The following ZNF30 variants were observed in gnomAD, a reference collection of about 807,000 sequenced individuals.
The protein encoded by ZNF30 is zinc finger protein 30.
In ZNF30, 15 loss-of-function variants were observed where a neutral mutation model predicts 13.2. The observed-to-expected ratio is 1.13, with a 90% CI of 0.76 to 1.75. The LOEUF is 1.75. Ranked by LOEUF, ZNF30 falls within the 40% of genes most tolerant of loss-of-function variation. The pLI, the probability that ZNF30 is intolerant of heterozygous loss-of-function variation, is 0.00. For missense variants in ZNF30, 726 were observed against 757.0 expected, an observed-to-expected ratio of 0.96 and a Z score of 0.48; for synonymous variants, 223 against 256.6, an observed-to-expected ratio of 0.87 and a Z score of 1.25.
At chr19:34,935,701 T>TTTTTTTTTTTTTTTTTTTTTTTA in intron 4 of ZNF30, among the ~76,000 whole-genome samples, 1 of 46,842 alleles carries the variant, frequency 2.1e-5, no homozygotes, top group African/African-American at 2.3e-4. Context: ...TTGTCTATAG[T>TTTTTTTTTTTTTTTTTTTTTTTA]TTTTTTTTTT....
At chr19:34,940,478 G>A (rs2012987231) in intron 4 of ZNF30, among the ~76,000 whole-genome samples, 1 of 152,016 alleles carries the variant, frequency 6.6e-6, no homozygotes, top group African/African-American at 2.4e-5. Context: ...CACCAGCCTG[G>A]CCAACATGGT....
upstream of ZNF30, among the ~76,000 whole-genome samples, chr19:34,925,029 C>T (rs1331791185): frequency 6.6e-6 from 1 of 152,182 alleles, no homozygotes; most frequent in Non-Finnish European, 1.5e-5. Context: ...GTTCCCTTGT[C>T]CCCCTGGCAG....
chr19:34,928,244 TATATATATATAGATAG>T (rs2012219091), intron 1 of ZNF30, among the ~76,000 whole-genome samples: 3 of 54,366 alleles, frequency 5.5e-5, no homozygotes, highest in African/African-American at 1.6e-4. Flanking sequence ...TATATATATA[TATATATATATAGATAG>T]ATAGATAGAT....
intron 4 of ZNF30, 37 bp downstream of exon 4, chr19:34,933,760 G>T (rs2012586833): frequency 1.4e-6 from 2 of 1,379,590 alleles, no homozygotes; most frequent in South Asian, 1.2e-5. Context: ...GGCCATTGTT[G>T]CTGGAAACAG....
intron 1 of ZNF30, among the ~76,000 whole-genome samples, chr19:34,928,301 G>C (rs548380761): frequency 6.9e-6 from 1 of 144,818 alleles, no homozygotes; most frequent in Non-Finnish European, 1.5e-5. Flanking sequence ...GTGGAAACAA[G>C]TGTTTAATTA....
upstream of ZNF30, chr19:34,926,779 T>C: frequency 2.5e-6 from 1 of 395,586 alleles, no homozygotes; most frequent in East Asian, 3.6e-5. Context: ...GCCACCTACT[T>C]CGGGCCTCAG....
chr19:34,939,370 G>A (rs1184077936), intron 4 of ZNF30, among the ~76,000 whole-genome samples: 1 of 151,910 alleles, frequency 6.6e-6, no homozygotes, highest in Non-Finnish European at 1.5e-5. Flanking sequence ...AGTAGAGATG[G>A]GGTTTCACCA....
chr19:34,929,733 T>C (rs1343591736), intron 1 of ZNF30, among the ~76,000 whole-genome samples, 151 bp from the exon 2 acceptor site: 1 of 152,200 alleles, frequency 6.6e-6, no homozygotes, highest in East Asian at 1.9e-4. Context: ...TACAGCTTAG[T>C]TAACTGGGGC....
At chr19:34,928,232 TATATATATATATATATATATATAG>T (rs1268172856) in intron 1 of ZNF30, among the ~76,000 whole-genome samples, 3 of 66,554 alleles carry the variant, frequency 4.5e-5, no homozygotes, top group Admixed American at 1.2e-4. Flanking sequence ...TATATATATA[TATATATATATATATATATATATAG>T]ATAGATAGAT....
chr19:34,932,682 T>G (rs1240584186), intron 3 of ZNF30, among the ~76,000 whole-genome samples: 1 of 152,090 alleles, frequency 6.6e-6, no homozygotes, highest in African/African-American at 2.4e-5. Context: ...TTTAAGTGAG[T>G]TACGCAAGAT....
intron 2 of ZNF30, 122 bp from the exon 3 acceptor site, chr19:34,931,721 A>C: frequency 1.1e-6 from 1 of 926,224 alleles, no homozygotes; most frequent in East Asian, 2.7e-5. Flanking sequence ...TACCATGCTC[A>C]TCCACTTGCC....
At chr19:34,938,698 G>T (rs1268951853) in intron 4 of ZNF30, among the ~76,000 whole-genome samples, 1 of 152,138 alleles carries the variant, frequency 6.6e-6, no homozygotes, top group Non-Finnish European at 1.5e-5. Context: ...CCCACCGGAG[G>T]TTCATCTTAG....
chr19:34,930,654 TCAAGACCAGCCTGGGCAGCATGG>T (rs1053593367), intron 2 of ZNF30, among the ~76,000 whole-genome samples: 4 of 152,036 alleles, frequency 2.6e-5, no homozygotes, highest in Non-Finnish European at 4.4e-5. Context: ...GCCCAGGAGT[TCAAGACCAGCCTGGGCAGCATGG>T]CAAGACCCTG....
intron 1 of ZNF30, among the ~76,000 whole-genome samples, chr19:34,929,112 C>T (rs2012295737): frequency 6.6e-6 from 1 of 152,190 alleles, no homozygotes; most frequent in African/African-American, 2.4e-5. Flanking sequence ...GAAATTCCGT[C>T]TCTACTAAAA....
intron 4 of ZNF30, chr19:34,942,763 G>C (rs1278058130): frequency 1.9e-6 from 1 of 513,118 alleles, no homozygotes; most frequent in East Asian, 7.5e-5. Flanking sequence ...TATGAGGTCT[G>C]AGAGGTGAGC....
chr19:34,924,569 T>G (rs923413762), upstream of ZNF30, among the ~76,000 whole-genome samples: 1 of 152,196 alleles, frequency 6.6e-6, no homozygotes, highest in Non-Finnish European at 1.5e-5. Flanking sequence ...AGATGAGTCC[T>G]TATTTGTCTT....
In ZNF30 at chr19:34,933,705, GGAA is replaced by G; in HGVS notation, c.244_246del (p.Arg82del). On this transcript the variant is annotated inframe_deletion, in exon 4 of 5. Coordinates refer to ENST00000601142, the MANE Select transcript of ZNF30 (RefSeq NM_194325.3). The stretch of plus-strand genomic sequence containing the variant: ...GCCTGAAGTGACAGTGAGGAAAGAT[GGAA>G]GAAGATGGTGCACAGGTGAGTAAGA... 1 of 1,586,214 alleles carries G rather than the reference GGAA, an allele frequency of 6.3e-7. No individual in the cohort carries two copies. The highest frequency in any genetic ancestry group is 1.3e-5 in the African/African-American group (1 of 74,498).
At chr19:34,928,658 C>T (rs572243628) in intron 1 of ZNF30, among the ~76,000 whole-genome samples, 1 of 151,198 alleles carries the variant, frequency 6.6e-6, no homozygotes, top group African/African-American at 2.4e-5. Flanking sequence ...CATGGTGAAA[C>T]CCTGTCTCTA....
chr19:34,927,782 G>C (rs2012157567), intron 1 of ZNF30, among the ~76,000 whole-genome samples: 1 of 152,152 alleles, frequency 6.6e-6, no homozygotes, highest in Non-Finnish European at 1.5e-5. Context: ...AGGGGACAGA[G>C]GAAATTGAAA....
Sources: allele counts gnomAD v4.1 joint callset (sites outside exome capture counted in the v4.1 genomes callset), GRCh38; gene constraint gnomAD v4.1.1; transcripts MANE v1.5; gene names NCBI Gene and HGNC (gene_info 2026-07-23, HGNC 2026-07-21).